Variants in SLC6A3 observed in about 807,000 individuals in gnomAD.
SLC6A3 encodes sodium-dependent dopamine transporter.
SLC6A3 carries 19 observed loss-of-function variants against 70.4 expected under a neutral mutation model. That is an observed-to-expected ratio of 0.27 (90% CI 0.19 to 0.40). SLC6A3 has a LOEUF of 0.40. Ranked by LOEUF, SLC6A3 falls within the 10% of genes least tolerant of loss-of-function variation. The pLI, the probability that SLC6A3 is intolerant of heterozygous loss-of-function variation, is 1.00. For synonymous variants in SLC6A3, 368 were observed against 356.6 expected (o/e 1.03, Z -0.36); for missense variants, 613 against 838.5 (o/e 0.73, Z 3.32).
At position 1,411,884 on chromosome 5, in the gene SLC6A3, TCAGA is replaced by T. The variant is rs1443124372; in HGVS notation, c.1157-533_1157-530del. 6.7e-6 allele frequency among the ~76,000 whole-genome samples: 1 copy of T among 149,650 alleles called. No individual in the cohort carries two copies. Among genetic ancestry groups the T allele is most frequent in the Non-Finnish European group, 1.5e-5 (1 of 67,614 alleles). On this transcript the variant is annotated intron_variant, in intron 8 of 14. Transcript: ENST00000270349. This position sits in a 1 kb window ranked among gnomAD's most constrained non-coding sequence, Gnocchi z 6.5. ...CACACATACCATGCAACATACACAC[TCAGA>T]CACACATACCATGCAATATACACAC...
intron 4 of SLC6A3, among the ~76,000 whole-genome samples, chr5:1,431,022 C>T (rs1023558789): frequency 2.6e-5 from 4 of 152,232 alleles, no homozygotes; most frequent in Non-Finnish European, 5.9e-5. Flanking sequence ...ACAGGAGCGC[C>T]CTGGCTGACG....
intron 4 of SLC6A3, among the ~76,000 whole-genome samples, chr5:1,431,625 G>C (rs1756707107): frequency 6.6e-6 from 1 of 151,694 alleles, no homozygotes; most frequent in Admixed American, 6.6e-5. Flanking sequence ...GGGGTGGACG[G>C]TGTGGGGTGG....
intron 4 of SLC6A3, among the ~76,000 whole-genome samples, chr5:1,422,434 A>G (rs1614919): frequency 0.37 from 22,302 of 60,248 alleles, 2,370 homozygotes; most frequent in South Asian, 0.48. Flanking sequence ...GCTGCTGGGT[A>G]CCCACCGCTG....
At chr5:1,416,704 G>A (rs1245916833) in intron 6 of SLC6A3, 9 of 240,694 alleles carry the variant, frequency 3.7e-5, no homozygotes, top group Admixed American at 5.2e-5. Context: ...CGGCATGACC[G>A]CAGCGTCCTA....
At chr5:1,403,370 G>C (rs1470549325) in intron 12 of SLC6A3, among the ~76,000 whole-genome samples, 1 of 59,444 alleles carries the variant, frequency 1.7e-5, no homozygotes, top group Admixed American at 2.5e-4. Flanking sequence ...CTCCCATCCT[G>C]TTCTGTCCCC....
In SLC6A3 at chr5:1,406,957, C is replaced by T. The variant is rs1560908603; in HGVS notation, c.1499-669G>A. ...GTCCCTGAGGCCACCTAAGCTGCGGCCCACATCAGCATTCCCTTTTGTTTT... is the reference window on the plus strand; with the variant it reads ...GTCCCTGAGGCCACCTAAGCTGCGGTCCACATCAGCATTCCCTTTTGTTTT... On this transcript the variant is annotated intron_variant, in intron 11 of 14. Transcript: ENST00000270349. The surrounding 1 kb of genome is among the most constrained non-coding windows in gnomAD (Gnocchi z 8.8). Among the ~76,000 whole-genome samples, 1 of 152,210 alleles carries T rather than the reference C, an allele frequency of 6.6e-6. No individual in the cohort carries two copies. The highest frequency in any genetic ancestry group is 2.4e-5 in the African/African-American group (1 of 41,454).
intron 14 of SLC6A3, among the ~76,000 whole-genome samples, chr5:1,398,222 G>GTGGTGCTGGGCACCTGTAATCCCAGCCA (rs1755767245): frequency 2.6e-5 from 4 of 152,062 alleles, no homozygotes; most frequent in Non-Finnish European, 4.4e-5. Context: ...TTATCCAGGT[G>GTGGTGCTGGGCACCTGTAATCCCAGCCA]TGGTGCTGGG....
intron 1 of SLC6A3, among the ~76,000 whole-genome samples, chr5:1,444,629 G>T (rs1402216622): frequency 1.3e-5 from 2 of 152,196 alleles, no homozygotes; most frequent in Admixed American, 6.5e-5. Context: ...TAAAACACCC[G>T]ACGAAGGGGT....
chr5:1,416,733 C>T (rs956665200), intron 6 of SLC6A3, among the ~76,000 whole-genome samples: 4 of 151,018 alleles, frequency 2.6e-5, no homozygotes, highest in South Asian at 2.1e-4. Context: ...CGGAACAGCA[C>T]GGACTCATCC....
intron 10 of SLC6A3, 121 bp downstream of exon 10, chr5:1,409,600 G>T (rs1377099562): frequency 5.2e-5 from 60 of 1,153,854 alleles, no homozygotes; most frequent in Non-Finnish European, 7.6e-5. Context: ...GGGGTGGGTG[G>T]GTTCGCAGCT....
rs1010607834 is a variant in SLC6A3, at chr5:1,393,100, ACTGCAGCTGC to A, written c.*1625_*1634del. On this transcript the variant is annotated 3_prime_UTR_variant, in exon 15 of 15. Coordinates refer to ENST00000270349, the MANE Select transcript of SLC6A3 (RefSeq NM_001044.5). The stretch of plus-strand genomic sequence containing the variant: ...AATGGGGAAGCCATCCTCTGTGCTA[ACTGCAGCTGC>A]CTGGCAGTTCACAGGCTGACGGCTC... 1.3e-5 allele frequency: 2 copies of A among 152,098 alleles called. No homozygotes were observed. The highest frequency in any genetic ancestry group is 2.9e-5 in the Non-Finnish European group (2 of 68,010). The allele number at this position is 152,098 out of a possible 1,614,324, so 9.4% of individuals were successfully genotyped here. A position where few individuals can be genotyped will look rare whatever the true frequency, so the allele number is the denominator to read the frequency against.
chr5:1,409,663 C>A (rs528367688), intron 10 of SLC6A3, 58 bp downstream of exon 10: 1 of 1,607,476 alleles, frequency 6.2e-7, no homozygotes, highest in Admixed American at 1.7e-5. Flanking sequence ...CAGGGCGCCC[C>A]GTGCCACGTG....
rs889889032 is a variant in SLC6A3 at position 1,401,700 on chromosome 5, G to T, written c.1768-714C>A. Among the ~76,000 whole-genome samples, 3 of 151,868 alleles carry T rather than the reference G, an allele frequency of 2.0e-5. No homozygotes were observed. Among genetic ancestry groups the T allele is most frequent in the Non-Finnish European group, 2.9e-5 (2 of 68,040 alleles). ...ACGTTCAGAGTTTGGCCATGCGAGG[G>T]GTAAGGGCGCTGGCTGTTCAGGTCC... On this transcript the variant is annotated intron_variant, in intron 13 of 14. Coordinates refer to ENST00000270349, the MANE Select transcript of SLC6A3 (RefSeq NM_001044.5). The surrounding 1 kb of genome is among the most constrained non-coding windows in gnomAD (Gnocchi z 6.1).
At chr5:1,416,355 T>C (rs2126358428) in intron 6 of SLC6A3, 154 bp from the exon 7 acceptor site, 1 of 692,604 alleles carries the variant, frequency 1.4e-6, no homozygotes, top group Non-Finnish European at 2.6e-6. Context: ...TGGTGGAAGA[T>C]GCAGCCTCAG....
intron 4 of SLC6A3, among the ~76,000 whole-genome samples, chr5:1,429,483 C>T (rs778635055): frequency 1.6e-4 from 24 of 152,200 alleles, no homozygotes; most frequent in Non-Finnish European, 3.2e-4. Flanking sequence ...AAATAGACTT[C>T]GCTAGTCTGA....
intron 6 of SLC6A3, among the ~76,000 whole-genome samples, chr5:1,419,231 C>T (rs1473770501): frequency 6.6e-6 from 1 of 151,760 alleles, no homozygotes; most frequent in East Asian, 1.9e-4. Flanking sequence ...TCCATACATC[C>T]AGCCAGCCAG....
chr5:1,402,456 C>T lies in SLC6A3; in HGVS notation c.1767+466G>A, dbSNP rs1035237721. 2.6e-5 allele frequency among the ~76,000 whole-genome samples: 4 copies of T among 152,090 alleles called. No homozygotes were observed. The highest frequency in any genetic ancestry group is 5.9e-5 in the Non-Finnish European group (4 of 68,030). Reference sequence around the variant, plus strand: ...CTCGGCCCTGGGGGGACCTAGATCACCCCTGATTCTACCGCCCTCAGATGG... The same window carrying T: ...CTCGGCCCTGGGGGGACCTAGATCATCCCTGATTCTACCGCCCTCAGATGG... On this transcript the variant is annotated intron_variant, in intron 13 of 14. Transcript: ENST00000270349. The surrounding 1 kb of genome is among the most constrained non-coding windows in gnomAD (Gnocchi z 8.5).
intron 1 of SLC6A3, among the ~76,000 whole-genome samples, chr5:1,444,764 G>A (rs985465586): frequency 4.3e-4 from 66 of 152,318 alleles, no homozygotes; most frequent in African/African-American, 1.5e-3. Flanking sequence ...CCTCAGAGGC[G>A]AGTTTTGGGT....
At chr5:1,414,490 G>GGCAGGGCGGAGAAGGCGC (rs1560913028) in intron 8 of SLC6A3, among the ~76,000 whole-genome samples, 2 of 139,212 alleles carry the variant, frequency 1.4e-5, no homozygotes, top group Admixed American at 7.0e-5. Flanking sequence ...GGCCTGGAGG[G>GGCAGGGCGGAGAAGGCGC]TCAGGGCGGG....
Sources: allele counts gnomAD v4.1 joint callset (sites outside exome capture counted in the v4.1 genomes callset), GRCh38; gene constraint gnomAD v4.1.1; non-coding constraint Gnocchi (gnomAD v3.1); transcripts MANE v1.5; gene names NCBI Gene and HGNC (gene_info 2026-07-23, HGNC 2026-07-21).